The following CMIP variants were observed in gnomAD, a reference collection of about 807,000 sequenced individuals.
The protein encoded by CMIP is C-Maf-inducing protein.
A neutral mutation model predicts 97.3 loss-of-function variants in CMIP; 13 were observed. That is an observed-to-expected ratio of 0.13 (90% CI 0.09 to 0.21). CMIP has a LOEUF of 0.21. Among genes scored for constraint, CMIP ranks in the 10% least tolerant of loss-of-function variants. The pLI is 1.00. For missense variants in CMIP, 847 were observed against 1,024.9 expected (o/e 0.83, Z 2.37); for synonymous variants, 538 against 436.3 (o/e 1.23, Z -2.91).
intron 1 of CMIP, among the ~76,000 whole-genome samples, chr16:81,578,036 T>C (rs1366002313): frequency 6.6e-6 from 1 of 151,254 alleles, no homozygotes; most frequent in African/African-American, 2.5e-5. Flanking sequence ...CCATTACCAC[T>C]ACTTTATTAT....
At chr16:81,531,982 C>G (rs1227124255) in intron 1 of CMIP, among the ~76,000 whole-genome samples, 1 of 151,772 alleles carries the variant, frequency 6.6e-6, no homozygotes, top group Non-Finnish European at 1.5e-5. Context: ...TAAAACTGTC[C>G]TGCGATTTGA....
chr16:81,536,009 G>A (rs2150830813), intron 1 of CMIP, among the ~76,000 whole-genome samples: 1 of 152,276 alleles, frequency 6.6e-6, no homozygotes, highest in Non-Finnish European at 1.5e-5. Context: ...GGGACCTCTT[G>A]TCTGCTGTGT....
At chr16:81,509,516 G>C (rs2089771915) in intron 1 of CMIP, among the ~76,000 whole-genome samples, 2 of 152,178 alleles carry the variant, frequency 1.3e-5, no homozygotes, top group African/African-American at 4.8e-5. Context: ...TCTAAAAATG[G>C]GAATGACTTT....
intron 2 of CMIP, among the ~76,000 whole-genome samples, chr16:81,607,957 C>T (rs2091772166): frequency 6.6e-6 from 1 of 152,172 alleles, no homozygotes; most frequent in Non-Finnish European, 1.5e-5. Context: ...CTTAATAAAC[C>T]TGATAAATAA....
intron 1 of CMIP, among the ~76,000 whole-genome samples, chr16:81,523,304 A>G (rs9806885): frequency 0.12 from 18,995 of 152,102 alleles, 1,224 homozygotes; most frequent in African/African-American, 0.16. Flanking sequence ...CTCTCCGTTG[A>G]TTCCTGAATA....
At chr16:81,571,324 C>A (rs1283660414) in intron 1 of CMIP, among the ~76,000 whole-genome samples, 1 of 151,376 alleles carries the variant, frequency 6.6e-6, no homozygotes, top group Non-Finnish European at 1.5e-5. Flanking sequence ...AAAAAATTAG[C>A]TAGATGCAGT....
chr16:81,559,532 A>C (rs928538665), intron 1 of CMIP, among the ~76,000 whole-genome samples: 1 of 152,226 alleles, frequency 6.6e-6, no homozygotes, highest in African/African-American at 2.4e-5. Flanking sequence ...TCGGTGTGTG[A>C]TGGTGGTCCC....
chr16:81,550,930 A>G (rs374423891), intron 1 of CMIP, among the ~76,000 whole-genome samples: 20 of 129,368 alleles, frequency 1.5e-4, no homozygotes, highest in East Asian at 1.4e-3. Flanking sequence ...TCCGTCACAT[A>G]TATCCCAGTT....
intron 1 of CMIP, among the ~76,000 whole-genome samples, chr16:81,588,580 C>A (rs1391155159): frequency 6.6e-6 from 1 of 152,158 alleles, no homozygotes; most frequent in Non-Finnish European, 1.5e-5. Flanking sequence ...AATGACATGG[C>A]CATGGCTTCA....
chr16:81,668,724 C>T (rs1465990598), intron 7 of CMIP, among the ~76,000 whole-genome samples: 2 of 152,074 alleles, frequency 1.3e-5, no homozygotes, highest in East Asian at 1.9e-4. Context: ...AGTGCCTCCC[C>T]TGCCACTAAT....
chr16:81,507,875 G>T (rs566838936), intron 1 of CMIP, among the ~76,000 whole-genome samples: 47 of 152,204 alleles, frequency 3.1e-4, no homozygotes, highest in Non-Finnish European at 6.2e-4. Flanking sequence ...AGTAGTACTG[G>T]GGTGTGAGTC....
chr16:81,445,547 T>C lies in CMIP; in HGVS notation c.300+6T>C. On this transcript the variant is annotated splice_donor_region_variant and intron_variant, in intron 1 of 20. Coordinates refer to ENST00000537098, the MANE Select transcript of CMIP (RefSeq NM_198390.3). ...ACAGCCTGGCGTCCGCCACGGTGAG[T>C]GGCTCTGCGCGGCTGCACCCCCGCC... is the stretch of plus-strand genomic sequence containing the variant. 6.5e-7 allele frequency: 1 copy of C among 1,543,104 alleles called. No homozygotes were observed. Among genetic ancestry groups the C allele is most frequent in the East Asian group, 2.4e-5 (1 of 40,828 alleles).
At chr16:81,571,983 G>A (rs926289898) in intron 1 of CMIP, among the ~76,000 whole-genome samples, 7 of 152,194 alleles carry the variant, frequency 4.6e-5, no homozygotes, top group African/African-American at 1.7e-4. Context: ...AGGGTGTCTC[G>A]GAAGAGTTGC....
intron 1 of CMIP, among the ~76,000 whole-genome samples, chr16:81,552,833 CT>C (rs1188862703): frequency 2.0e-5 from 3 of 152,318 alleles, no homozygotes; most frequent in Admixed American, 2.0e-4. Context: ...CTCTCTTTCT[CT>C]GGCTTTGTTC....
At chr16:81,690,085 G>T (rs1468184771) in intron 10 of CMIP, among the ~76,000 whole-genome samples, 1 of 152,172 alleles carries the variant, frequency 6.6e-6, no homozygotes, top group African/African-American at 2.4e-5. Flanking sequence ...AAGTCAGGTA[G>T]CGTGATGCCT....
chr16:81,570,561 C>G (rs1419418588), intron 1 of CMIP, among the ~76,000 whole-genome samples: 4 of 152,154 alleles, frequency 2.6e-5, no homozygotes, highest in African/African-American at 9.7e-5. Context: ...GAGCCCCACC[C>G]TACCCCTGTG....
intron 1 of CMIP, chr16:81,495,568 CA>C: frequency 6.6e-7 from 1 of 1,509,770 alleles, no homozygotes; most frequent in Non-Finnish European, 9.1e-7. Context: ...TGCTGCTGGC[CA>C]CAGGCCAGTG....
rs368193106 is a variant in CMIP at position 81,589,069 on chromosome 16, C to CTT, written c.301-18488_301-18487dup. Among the ~76,000 whole-genome samples the CTT allele has an allele frequency of 1.4e-3, 208 of 147,046 alleles. 1 individual carries two copies. Among genetic ancestry groups the CTT allele is most frequent in the South Asian group, 3.7e-3 (17 of 4,588 alleles). ...TTCCGGTGCTCAGAATATTGTATTG[C>CTT]TTTTTTTTTTTCCTTTTCTTTCTTT... On this transcript the variant is annotated intron_variant, in intron 1 of 20. Coordinates refer to ENST00000537098, the MANE Select transcript of CMIP (RefSeq NM_198390.3).
intron 1 of CMIP, among the ~76,000 whole-genome samples, chr16:81,568,039 G>GTGTGTGTGTTT (rs10629229): frequency 9.7e-5 from 8 of 82,548 alleles, no homozygotes; most frequent in Non-Finnish European, 1.8e-4. Context: ...GTGTGTGTGT[G>GTGTGTGTGTTT]TTTTTTTTTT....
Sources: gnomAD v4.1 joint callset for allele counts (sites outside exome capture counted in the v4.1 genomes callset) on GRCh38, gnomAD v4.1.1 for gene constraint, MANE v1.5 for transcripts, NCBI Gene and HGNC (gene_info 2026-07-23, HGNC 2026-07-21) for gene names.